Variants in ARHGAP21 observed in about 807,000 individuals in gnomAD.
ARHGAP21 encodes the protein Rho GTPase activating protein 21.
ARHGAP21 carries 38 observed loss-of-function variants against 164.6 expected under a neutral mutation model. That is an observed-to-expected ratio of 0.23 (90% confidence interval 0.18 to 0.30). The LOEUF (loss-of-function observed/expected upper bound fraction) is 0.30. Among genes scored for constraint, ARHGAP21 ranks in the 10% least tolerant of loss-of-function variants. ARHGAP21 has a pLI of 1.00. For missense variants in ARHGAP21, 1,822 were observed against 2,370.7 expected, an observed-to-expected ratio of 0.77 and a Z score of 4.81; for synonymous variants, 766 against 857.9, an observed-to-expected ratio of 0.89 and a Z score of 1.87.
chr10:24,714,791 T>G (rs1368652660), intron 2 of ARHGAP21, among the ~76,000 whole-genome samples: 1 of 152,148 alleles, frequency 6.6e-6, no homozygotes, highest in Non-Finnish European at 1.5e-5. Flanking sequence ...TCCTAGCACT[T>G]TGGGAGGCCA....
At position 24,619,459 on chromosome 10, in the gene ARHGAP21, C is replaced by G. The variant is rs748783590; in HGVS notation, c.2422+14G>C. ...ACATTTGGCATATTAGCCAATGACT[C>G]TAAATGAGCTCACCTATAAATGGGA... On this transcript the variant is annotated intron_variant, in intron 9 of 25. Transcript: ENST00000396432. 26 of 1,608,100 alleles carry G rather than the reference C, an allele frequency of 1.6e-5. No individual in the cohort carries two copies. Among genetic ancestry groups the G allele is most frequent in the Non-Finnish European group, 1.7e-6 (2 of 1,177,628 alleles).
At chr10:24,593,461 TAACA>T (rs780925613) in intron 21 of ARHGAP21, among the ~76,000 whole-genome samples, 245 of 152,326 alleles carry the variant, frequency 1.6e-3, no homozygotes, top group African/African-American at 5.6e-3. Context: ...AGACTAATGA[TAACA>T]AACATTAATA....
chr10:24,675,063 C>A (rs577535645), intron 2 of ARHGAP21, among the ~76,000 whole-genome samples: 1 of 152,154 alleles, frequency 6.6e-6, no homozygotes, highest in Non-Finnish European at 1.5e-5. Flanking sequence ...CCATATGACA[C>A]CGCCATTCTA....
rs1256329781 is a variant in ARHGAP21, at chr10:24,583,844, G to T, written c.*568C>A. The T allele has an allele frequency of 3.3e-5, 5 of 152,530 alleles. No individual in the cohort carries two copies. The highest frequency in any genetic ancestry group is 5.9e-5 in the Non-Finnish European group (4 of 68,014). The allele number at this position is 152,530 out of a possible 1,614,324, so 9.4% of individuals were successfully genotyped here. A position where few individuals can be genotyped will look rare whatever the true frequency, so the allele number is the denominator to read the frequency against. ...ATTTAAGTTACGTATTTTACAGAAA[G>T]ATTAAAAATTCAAGTCACACAAAAC... On this transcript the variant is annotated 3_prime_UTR_variant, in exon 26 of 26. Transcript: ENST00000396432.
intron 21 of ARHGAP21, 35 bp from the exon 22 acceptor site, chr10:24,592,047 T>C: frequency 6.6e-7 from 1 of 1,505,706 alleles, no homozygotes; most frequent in East Asian, 2.3e-5. Flanking sequence ...AATACCAGAA[T>C]TTTTCTTAAG....
At position 24,595,288 on chromosome 10, in the gene ARHGAP21, A is replaced by G. The variant is rs199901821; in HGVS notation, c.3713-98T>C. On this transcript the variant is annotated intron_variant, in intron 19 of 25. Coordinates refer to ENST00000396432, the MANE Select transcript of ARHGAP21 (RefSeq NM_020824.4). ...GATCAATTTTAAACCACAACATAGG[A>G]AAGAGTTCTAATAGTTTTGAAATGT... is the stretch of plus-strand genomic sequence containing the variant. The G allele has an allele frequency of 3.0e-5, 30 of 993,144 alleles. No individual in the cohort carries two copies. The East Asian group carries it at 7.0e-4, about 23-fold the overall frequency. 61.5% of individuals were successfully genotyped at this position (993,144 alleles called of 1,614,324 possible). A position where few individuals can be genotyped will look rare whatever the true frequency, so the allele number is the denominator to read the frequency against.
chr10:24,670,843 GA>G, intron 2 of ARHGAP21, among the ~76,000 whole-genome samples: 1 of 152,184 alleles, frequency 6.6e-6, no homozygotes, highest in African/African-American at 2.4e-5. Flanking sequence ...GAAAATAACA[GA>G]AAAGGTCTTC....
chr10:24,629,888 A>T, intron 7 of ARHGAP21, 108 bp downstream of exon 7: 1 of 841,004 alleles, frequency 1.2e-6, no homozygotes, highest in Non-Finnish European at 2.0e-6. Flanking sequence ...GAGGGTTTTT[A>T]AATTCTAGAA....
chr10:24,612,775 A>C (rs569447041), intron 9 of ARHGAP21, among the ~76,000 whole-genome samples: 1 of 152,174 alleles, frequency 6.6e-6, no homozygotes, highest in African/African-American at 2.4e-5. Context: ...GAATGGCATG[A>C]ACCCGGGAGG....
Position 24,620,719 on chromosome 10 carries a change from G to A in ARHGAP21, c.1176C>T (p.Tyr392=). Reference sequence around the variant, plus strand: ...ATCGTCTGTTATCAATATACTCTTTGTAAGTTTTATAGTTTTTCCAGTCTA... The same window carrying A: ...ATCGTCTGTTATCAATATACTCTTTATAAGTTTTATAGTTTTTCCAGTCTA... The part of the protein sequence containing the change: ...QHIDWKNYKT[Y]KEYIDNRRLH... The change falls in exon 9 of 26, where the codon TAC becomes TAT. Residue 392 remains tyrosine, a synonymous_variant. Coordinates refer to ENST00000396432, the MANE Select transcript of ARHGAP21 (RefSeq NM_020824.4). 3 of 1,614,148 alleles carry A rather than the reference G, an allele frequency of 1.9e-6. No homozygotes were observed. The South Asian group carries it at 3.3e-5, about 18-fold the overall frequency.
intron 2 of ARHGAP21, among the ~76,000 whole-genome samples, chr10:24,685,531 C>G (rs1020252070): frequency 6.6e-6 from 1 of 152,142 alleles, no homozygotes; most frequent in African/African-American, 2.4e-5. Flanking sequence ...ATGAGATTAT[C>G]ATTTAGTGCA....
At chr10:24,615,204 A>C (rs2077427406) in intron 9 of ARHGAP21, among the ~76,000 whole-genome samples, 1 of 152,228 alleles carries the variant, frequency 6.6e-6, no homozygotes, top group South Asian at 2.1e-4. Flanking sequence ...AACAAACAAA[A>C]AAAACTAATG....
chr10:24,686,868 G>A (rs1382477086), intron 2 of ARHGAP21, among the ~76,000 whole-genome samples: 9 of 152,182 alleles, frequency 5.9e-5, no homozygotes, highest in East Asian at 1.9e-4. Flanking sequence ...AGAACTTCCC[G>A]ATCAGTGTAC....
At chr10:24,697,340 GAAAAAGAAAGAGAC>G (rs1342728861) in intron 2 of ARHGAP21, among the ~76,000 whole-genome samples, 1 of 152,010 alleles carries the variant, frequency 6.6e-6, no homozygotes, top group African/African-American at 2.4e-5. Context: ...TTCAGCAACA[GAAAAAGAAAGAGAC>G]AAAAAGAAAG....
intron 4 of ARHGAP21, among the ~76,000 whole-genome samples, chr10:24,659,144 G>A (rs571170239): frequency 2.0e-5 from 3 of 152,248 alleles, no homozygotes; most frequent in South Asian, 4.1e-4. Context: ...CTCAAAATAT[G>A]AAACATAGGA....
chr10:24,682,828 T>C (rs756717172), intron 2 of ARHGAP21, among the ~76,000 whole-genome samples: 3 of 151,984 alleles, frequency 2.0e-5, no homozygotes, highest in Non-Finnish European at 2.9e-5. Flanking sequence ...AGATAAAAGA[T>C]GATGACTGCC....
At chr10:24,596,523 G>T in intron 17 of ARHGAP21, 1 of 622,374 alleles carries the variant, frequency 1.6e-6, no homozygotes, top group Non-Finnish European at 2.6e-6. Flanking sequence ...GACCATTTCA[G>T]ACAAATTCCT....
At chr10:24,671,958 A>C (rs1840750031) in intron 2 of ARHGAP21, among the ~76,000 whole-genome samples, 1 of 122,808 alleles carries the variant, frequency 8.1e-6, no homozygotes, top group Admixed American at 1.2e-4. Flanking sequence ...TTGAGCTCCT[A>C]TGCTCAAGTG....
At chr10:24,608,342 T>A (rs961297663) in intron 9 of ARHGAP21, among the ~76,000 whole-genome samples, 3 of 152,114 alleles carry the variant, frequency 2.0e-5, no homozygotes, top group Non-Finnish European at 4.4e-5. Context: ...TAAAACCGTA[T>A]CCCCGCCTCA....
Sources: allele counts gnomAD v4.1 joint callset (sites outside exome capture counted in the v4.1 genomes callset), GRCh38; gene constraint gnomAD v4.1.1; transcripts MANE v1.5; gene names NCBI Gene and HGNC (gene_info 2026-07-23, HGNC 2026-07-21).